The following TRPT1 variants were observed in gnomAD, a reference collection of about 807,000 sequenced individuals.
TRPT1 encodes the protein tRNA 2'-phosphotransferase 1.
A neutral mutation model predicts 28.4 loss-of-function variants in TRPT1; 22 were observed. The ratio of observed to expected loss-of-function variants is 0.78; its 90% CI spans 0.55 to 1.11. The LOEUF is 1.11. Among genes scored for constraint, TRPT1 ranks in the 50% least tolerant of loss-of-function variants. The pLI is 0.00. For missense variants in TRPT1, 308 were observed against 317.7 expected (o/e 0.97, Z 0.23); for synonymous variants, 137 against 132.4 (o/e 1.03, Z -0.24).
chr11:64,225,315 G>A, intron 3 of TRPT1, 184 bp downstream of exon 3: 1 of 628,782 alleles, frequency 1.6e-6, no homozygotes, highest in East Asian at 2.8e-5. Flanking sequence ...GCCCAGACAA[G>A]AACTCTCCTC....
At chr11:64,225,632 G>A in intron 2 of TRPT1, 52 bp from the exon 3 acceptor site, 1 of 1,545,256 alleles carries the variant, frequency 6.5e-7, no homozygotes, top group Non-Finnish European at 8.8e-7. Context: ...CTGCCCTACT[G>A]CCCATCCTGA....
rs1366808444 is a variant in TRPT1 at position 64,224,553 on chromosome 11, AC to A, written c.491del (p.Gly164ValfsTer12). 1.3e-6 allele frequency: 2 copies of A among 1,567,922 alleles called. No individual in the cohort carries two copies. The highest frequency in any genetic ancestry group is 2.4e-5 in the South Asian group (2 of 83,046). Reference protein sequence around the residue: ...HLAPGLPGDPGIISGMRSHCE... With the variant: ...HLAPGLPGDPXIISGMRSHCE... ...GGGGAGGGCACTGACCACTGATGAT[AC>A]CGGGGTCTCCAGGCAGTCCTGGGGC... On this transcript the variant is annotated frameshift_variant, in exon 5 of 8. Transcript: ENST00000317459. LOFTEE classifies it high-confidence loss of function.
rs775740305 is a variant in TRPT1 at position 64,226,133 on chromosome 11, G to C, written c.-93C>G. ...TGGTGCGCCCCGCAGGGTGGTCCGG[G>C]AGGCAGGGCCGACGTGCCGACGGAC... On this transcript the variant is annotated 5_prime_UTR_variant, in exon 1 of 8. Transcript: ENST00000317459. The C allele has an allele frequency of 2.4e-5, 11 of 464,098 alleles. No homozygotes were observed. Among genetic ancestry groups the C allele is most frequent in the Non-Finnish European group, 3.8e-5 (10 of 263,590 alleles). The allele number at this position is 464,098 out of a possible 1,614,324, so 28.7% of individuals were successfully genotyped here. A position where few individuals can be genotyped will look rare whatever the true frequency, so the allele number is the denominator to read the frequency against.
intron 4 of TRPT1, 22 bp downstream of exon 4, chr11:64,224,779 G>A (rs778880950): frequency 4.3e-6 from 7 of 1,612,066 alleles, no homozygotes; most frequent in East Asian, 2.2e-5. Flanking sequence ...ATCTCGTCTC[G>A]CACTTGTCCC....
Position 64,225,880 on chromosome 11 carries a change from C to A in TRPT1, c.-9-11G>T, listed in dbSNP as rs1305773927. On this transcript the variant is annotated splice_polypyrimidine_tract_variant and intron_variant, in intron 1 of 7. Transcript: ENST00000317459. ...GTTCATGGTTAAGACCTGTGGGGGG[C>A]AGTGACGAGGGGGGACTGCTTTAAG... 6.6e-7 allele frequency: 1 copy of A among 1,520,330 alleles called. No homozygotes were observed. Among genetic ancestry groups the A allele is most frequent in the Admixed American group, 2.0e-5 (1 of 50,892 alleles). The allele number at this position is 1,520,330 out of a possible 1,614,324, so 94.2% of individuals were successfully genotyped here. A position where few individuals can be genotyped will look rare whatever the true frequency, so the allele number is the denominator to read the frequency against.
At position 64,224,971 on chromosome 11, in the gene TRPT1, C is replaced by G. The variant is rs201492126; in HGVS notation, c.158-1G>C. The G allele has an allele frequency of 6.4e-7, 1 of 1,554,878 alleles. No individual in the cohort carries two copies. Among genetic ancestry groups the G allele is most frequent in the East Asian group, 2.4e-5 (1 of 41,410 alleles). On this transcript the variant is annotated splice_acceptor_variant, in intron 3 of 7. Transcript: ENST00000317459. LOFTEE classifies it high-confidence loss of function. ...AGGGTGCCCAGGGGCACGAAGCCAT[C>G]TGTGGGCAGGCAGGGTGCTCAGGAG...
chr11:64,225,559 T>G lies in TRPT1; in HGVS notation c.97A>C (p.Lys33Gln), dbSNP rs767816597. ...REQDRDVQLS[K>Q]ALSYALRHGA... ...TGGCGCAGGGCATAGGACAGAGCCTTGGACAGCTGCACGTCTCGGTCCTGA... is the reference window on the plus strand; with the variant it reads ...TGGCGCAGGGCATAGGACAGAGCCTGGGACAGCTGCACGTCTCGGTCCTGA... Residue 33 changes from lysine to glutamine, a missense_variant, in exon 3 of 8, where the codon AAG becomes CAG. By Grantham distance (53) the Lys-to-Gln change is moderately conservative (BLOSUM62 1). Coordinates refer to ENST00000317459, the MANE Select transcript of TRPT1 (RefSeq NM_001033678.4). 2.5e-6 allele frequency: 4 copies of G among 1,612,146 alleles called. No individual in the cohort carries two copies. The highest frequency in any genetic ancestry group is 3.4e-6 in the Non-Finnish European group (4 of 1,179,430).
chr11:64,225,001 C>A (rs762788582), intron 3 of TRPT1, 31 bp from the exon 4 acceptor site: 1 of 1,544,490 alleles, frequency 6.5e-7, no homozygotes, highest in South Asian at 1.2e-5. Context: ...CAGGAGCTAA[C>A]CTTGCTCTGG....
Position 64,224,152 on chromosome 11 carries a change from A to G in TRPT1, c.618T>C (p.Asp206=). ...TGAAGTACTTGGGAAGGAGGAAGCC[A>G]TCAGTATTCCCTGGAGTCAGAATCA... The part of the protein sequence containing the change: ...NGVILTPGNT[D]GFLLPKYFKE... The change falls in exon 7 of 8, where the codon GAT becomes GAC. Residue 206 remains aspartate (D), a synonymous_variant. Coordinates refer to ENST00000317459, the MANE Select transcript of TRPT1 (RefSeq NM_001033678.4). 3 of 1,607,172 alleles carry G rather than the reference A, an allele frequency of 1.9e-6. No homozygotes were observed. The highest frequency in any genetic ancestry group is 2.6e-6 in the Non-Finnish European group (3 of 1,175,372).
In TRPT1 at chr11:64,225,533, A is replaced by G. The variant is rs1358824273; in HGVS notation, c.123T>C (p.His41=). 3 of 1,613,000 alleles carry G rather than the reference A, an allele frequency of 1.9e-6. No individual in the cohort carries two copies. Among genetic ancestry groups the G allele is most frequent in the Middle Eastern group, 1.6e-4 (1 of 6,082 alleles). ...TGGGAAGCCCCAGCTTCAAGGCCCC[A>G]TGGCGCAGGGCATAGGACAGAGCCT... The part of the protein sequence containing the change: ...LSKALSYALR[H]GALKLGLPMG... The change falls in exon 3 of 8, where the codon CAT becomes CAC. Residue 41 remains histidine, a synonymous_variant. Coordinates refer to ENST00000317459, the MANE Select transcript of TRPT1 (RefSeq NM_001033678.4).
In TRPT1 at chr11:64,226,047, T is replaced by C. The variant is rs1317866463; in HGVS notation, c.-10+3A>G. On this transcript the variant is annotated splice_donor_region_variant and intron_variant, in intron 1 of 7. Transcript: ENST00000317459. ...AAACTAAGGCCCAGCAGGCCAGACT[T>C]GCCCAAGGTCACACGGTCAGCCAGG... 3.5e-6 allele frequency: 2 copies of C among 578,478 alleles called. No individual in the cohort carries two copies. The highest frequency in any genetic ancestry group is 6.1e-6 in the Non-Finnish European group (2 of 327,366). 35.8% of individuals were successfully genotyped at this position (578,478 alleles called of 1,614,324 possible). A position where few individuals can be genotyped will look rare whatever the true frequency, so the allele number is the denominator to read the frequency against.
chr11:64,225,596 G>A lies in TRPT1; in HGVS notation c.76-16C>T. 6.2e-7 allele frequency: 1 copy of A among 1,603,982 alleles called. No homozygotes were observed. Among genetic ancestry groups the A allele is most frequent in the Non-Finnish European group, 8.5e-7 (1 of 1,175,354 alleles). On this transcript the variant is annotated splice_polypyrimidine_tract_variant and intron_variant, in intron 2 of 7. Coordinates refer to ENST00000317459, the MANE Select transcript of TRPT1 (RefSeq NM_001033678.4). ...CGTCTCGGTCCTGAAAGAACCCAGC[G>A]GTGGCCCCTAGTCTCCATGGTGACC... is the stretch of plus-strand genomic sequence containing the variant.
At position 64,224,615 on chromosome 11, in the gene TRPT1, C is replaced by CT. The variant is rs1467599722; in HGVS notation, c.429dup (p.Gly144ArgfsTer31). ...TGCGTCCTTCCCTGGCAGGACAGGC[C>CT]TTTGAGTAGGATGGATGGCCAGTGC... On this transcript the variant is annotated frameshift_variant, in exon 5 of 8. Coordinates refer to ENST00000317459, the MANE Select transcript of TRPT1 (RefSeq NM_001033678.4). LOFTEE classifies it high-confidence loss of function. 2.5e-6 allele frequency: 4 copies of CT among 1,606,522 alleles called. No individual in the cohort carries two copies. In the African/African-American group the frequency reaches 5.3e-5, roughly 21 times the overall value.
At chr11:64,224,004 C>T (rs12575584) in intron 7 of TRPT1, 37 bp from the exon 8 acceptor site, 7 of 1,597,380 alleles carry the variant, frequency 4.4e-6, no homozygotes, top group Admixed American at 1.7e-5. Flanking sequence ...AAAGGGACAC[C>T]TAAGTCAGTC....
At position 64,225,801 on chromosome 11, in the gene TRPT1, G is replaced by A. The variant is rs925001460; in HGVS notation, c.60C>T (p.Pro20=). Residue 20 remains proline (P), a synonymous_variant, in exon 2 of 8, where the codon CCC becomes CCT. Coordinates refer to ENST00000317459, the MANE Select transcript of TRPT1 (RefSeq NM_001033678.4). ...AGGCGCGCACCTGTTCTCGGGGTCT[G>A]GGAGCCCTTCTACCCCTGGACCCTG... ...EAAGSRGRRA[P]RPREQDRDVQ... is the part of the protein sequence containing the mutation. 3 of 1,553,112 alleles carry A rather than the reference G, an allele frequency of 1.9e-6. No homozygotes were observed. Among genetic ancestry groups the A allele is most frequent in the Middle Eastern group, 1.7e-4 (1 of 5,986 alleles).
chr11:64,224,313 C>T lies in TRPT1; in HGVS notation c.531G>A (p.Val177=). ...SGMRSHCEIA[V]FIDGPLALAD... ...CCAGAGCCAGGGGTCCATCGATGAACACAGCTATTTCACAATGGGACCGCA... is the reference window on the plus strand; with the variant it reads ...CCAGAGCCAGGGGTCCATCGATGAATACAGCTATTTCACAATGGGACCGCA... Residue 177 remains valine, a synonymous_variant, in exon 6 of 8, where the codon GTG becomes GTA. Coordinates refer to ENST00000317459, the MANE Select transcript of TRPT1 (RefSeq NM_001033678.4). The T allele has an allele frequency of 1.2e-6, 2 of 1,613,856 alleles. No homozygotes were observed. The highest frequency in any genetic ancestry group is 1.7e-6 in the Non-Finnish European group (2 of 1,180,038).
rs1318231203 is a variant in TRPT1 at position 64,223,827 on chromosome 11, G to A, written c.*49C>T. On this transcript the variant is annotated 3_prime_UTR_variant, in exon 8 of 8. Coordinates refer to ENST00000317459, the MANE Select transcript of TRPT1 (RefSeq NM_001033678.4). The stretch of plus-strand genomic sequence containing the variant: ...AGGATGATGAAACATGGTTTCAAAC[G>A]AGTTCTTTCTTGTTACTTTTTAAAA... 4.7e-6 allele frequency: 6 copies of A among 1,287,318 alleles called. No homozygotes were observed. Among genetic ancestry groups the A allele is most frequent in the South Asian group, 2.8e-5 (2 of 72,286 alleles). The allele number at this position is 1,287,318 out of a possible 1,614,324, so 79.7% of individuals were successfully genotyped here. A position where few individuals can be genotyped will look rare whatever the true frequency, so the allele number is the denominator to read the frequency against.
chr11:64,224,485 AGGG>A (rs1946844581), intron 5 of TRPT1, 55 bp downstream of exon 5: 40 of 1,576,912 alleles, frequency 2.5e-5, no homozygotes, highest in Non-Finnish European at 3.2e-5. Flanking sequence ...TAACCTTTGA[AGGG>A]GACCTGGGAG....
At position 64,224,348 on chromosome 11, in the gene TRPT1, A is replaced by G; in HGVS notation, c.503-7T>C. 1 of 1,613,616 alleles carries G rather than the reference A, an allele frequency of 6.2e-7. No individual in the cohort carries two copies. On this transcript the variant is annotated splice_region_variant and splice_polypyrimidine_tract_variant and intron_variant, in intron 5 of 7. Coordinates refer to ENST00000317459, the MANE Select transcript of TRPT1 (RefSeq NM_001033678.4). The stretch of plus-strand genomic sequence containing the variant: ...TCACAATGGGACCGCATGCCTGCAG[A>G]GACAGCTGGAGCTGAGGCCTGGGCA...
Sources: allele counts gnomAD v4.1 joint callset, GRCh38; gene constraint gnomAD v4.1.1; transcripts MANE v1.5; gene names NCBI Gene and HGNC (gene_info 2026-07-23, HGNC 2026-07-21).